The following DOCK4 variants were observed in gnomAD, a reference collection of about 807,000 sequenced individuals.
DOCK4 encodes the protein dedicator of cytokinesis protein 4.
DOCK4 carries 97 observed loss-of-function variants against 268.1 expected under a neutral mutation model. The ratio of observed to expected loss-of-function variants is 0.36; its 90% CI spans 0.31 to 0.43. DOCK4 has a LOEUF of 0.43. Ranked by LOEUF, DOCK4 falls within the 20% of genes least tolerant of loss-of-function variation. DOCK4 has a pLI of 1.00. For synonymous variants in DOCK4, 954 were observed against 887.2 expected, an observed-to-expected ratio of 1.08 and a Z score of -1.34; for missense variants, 2,145 against 2,455.7, an observed-to-expected ratio of 0.87 and a Z score of 2.67.
intron 1 of DOCK4, among the ~76,000 whole-genome samples, chr7:112,047,156 G>C (rs1804898795): frequency 6.6e-6 from 1 of 152,106 alleles, no homozygotes; most frequent in African/African-American, 2.4e-5. Context: ...GTTTGCCTCA[G>C]TTTTAAGGCA....
intron 1 of DOCK4, among the ~76,000 whole-genome samples, chr7:112,078,880 A>G (rs1220165865): frequency 6.6e-6 from 1 of 152,032 alleles, no homozygotes. Context: ...AATCCTAGCA[A>G]TTTGGGAGGT....
chr7:111,751,645 A>G (rs896218163), intron 42 of DOCK4, among the ~76,000 whole-genome samples: 2 of 152,202 alleles, frequency 1.3e-5, no homozygotes, highest in African/African-American at 4.8e-5. Flanking sequence ...GGGTTTTGCC[A>G]TATTGGCCAG....
rs1387520392 is a variant in DOCK4 at position 111,809,365 on chromosome 7, T to C, written c.3043A>G (p.Ile1015Val). 9 of 1,566,630 alleles carry C rather than the reference T, an allele frequency of 5.7e-6. No homozygotes were observed. The highest frequency in any genetic ancestry group is 7.8e-6 in the Non-Finnish European group (9 of 1,153,934). The change falls in exon 29 of 53, where the codon ATA (isoleucine) becomes GTA (valine). Residue 1015 changes from isoleucine (I) to valine (V), a missense_variant. Around this residue, in one of 2 missense-constraint regions of DOCK4, gnomAD observed 1,598 missense variants for 1,986.7 expected, o/e 0.80. Transcript: ENST00000428084. ...DSYFYLAVIF[I>V]NQLCLQLEMF... Reference sequence around the variant, plus strand: ...TCCAACTGCAGACACAACTGGTTTATAAAAATGACTGCGAGGTAAAAGTAG... The same window carrying C: ...TCCAACTGCAGACACAACTGGTTTACAAAAATGACTGCGAGGTAAAAGTAG...
chr7:111,984,854 T>C (rs770515440), intron 6 of DOCK4, among the ~76,000 whole-genome samples: 2 of 152,238 alleles, frequency 1.3e-5, no homozygotes, highest in African/African-American at 2.4e-5. Context: ...ATGTTTCTTA[T>C]ATGAATCTCT....
intron 27 of DOCK4, 118 bp downstream of exon 27, chr7:111,822,244 G>T: frequency 2.7e-6 from 2 of 736,986 alleles, no homozygotes; most frequent in Non-Finnish European, 4.4e-6. Flanking sequence ...TTTTTTAAAG[G>T]CTTAATTCAG....
At chr7:111,985,155 C>A (rs890174393) in intron 6 of DOCK4, among the ~76,000 whole-genome samples, 1 of 152,104 alleles carries the variant, frequency 6.6e-6, no homozygotes, top group East Asian at 1.9e-4. Flanking sequence ...TTCCCTCTAG[C>A]GACCTTCCTA....
intron 1 of DOCK4, among the ~76,000 whole-genome samples, chr7:112,041,339 A>G (rs377301871): frequency 5.1e-4 from 78 of 152,330 alleles, no homozygotes; most frequent in African/African-American, 1.7e-3. Flanking sequence ...GGGTCATGGT[A>G]TATTTCCATA....
At chr7:111,748,833 C>G (rs78836139) in intron 42 of DOCK4, among the ~76,000 whole-genome samples, 2,528 of 152,156 alleles carry the variant, frequency 0.017, 31 homozygotes, top group Middle Eastern at 0.041. Flanking sequence ...ATCCGTATGT[C>G]CATTGACAAG....
intron 31 of DOCK4, among the ~76,000 whole-genome samples, chr7:111,789,620 T>C (rs1799396946): frequency 1.3e-5 from 2 of 152,248 alleles, no homozygotes; most frequent in Non-Finnish European, 1.5e-5. Flanking sequence ...CATTCATCTA[T>C]TAGCTTTCTT....
At chr7:111,991,989 G>C (rs1415886375) in intron 5 of DOCK4, among the ~76,000 whole-genome samples, 2 of 119,404 alleles carry the variant, frequency 1.7e-5, no homozygotes, top group Non-Finnish European at 3.5e-5. Flanking sequence ...AAAAAAAAAA[G>C]TGCCTGGCAG....
At chr7:112,059,293 C>A (rs1397038310) in intron 1 of DOCK4, among the ~76,000 whole-genome samples, 1 of 151,908 alleles carries the variant, frequency 6.6e-6, no homozygotes, top group Non-Finnish European at 1.5e-5. Context: ...CAGGTGCACA[C>A]CACCATGCCT....
At chr7:112,191,218 G>A (rs569822228) in intron 1 of DOCK4, among the ~76,000 whole-genome samples, 91 of 152,272 alleles carry the variant, frequency 6.0e-4, no homozygotes, top group Admixed American at 3.9e-3. Context: ...CGCCTCCCAA[G>A]TAGCTGGGAC....
At chr7:111,758,914 C>A in intron 40 of DOCK4, 124 bp from the exon 41 acceptor site, 1 of 910,670 alleles carries the variant, frequency 1.1e-6, no homozygotes, top group South Asian at 1.9e-5. Flanking sequence ...CAGTTGAAGT[C>A]ATTAAAAAAA....
chr7:112,092,771 A>G (rs1256275121), intron 1 of DOCK4, among the ~76,000 whole-genome samples: 1 of 152,092 alleles, frequency 6.6e-6, no homozygotes, highest in Non-Finnish European at 1.5e-5. Flanking sequence ...GGCCATAATC[A>G]CTATTCCAGT....
chr7:112,114,166 T>C (rs1247896546), intron 1 of DOCK4, among the ~76,000 whole-genome samples: 1 of 152,180 alleles, frequency 6.6e-6, no homozygotes, highest in Non-Finnish European at 1.5e-5. Context: ...TGAGCCATCC[T>C]GCCTCCTTGA....
chr7:112,084,127 C>T (rs908333488), intron 1 of DOCK4, among the ~76,000 whole-genome samples: 1 of 152,182 alleles, frequency 6.6e-6, no homozygotes, highest in Non-Finnish European at 1.5e-5. Flanking sequence ...GACAGGCCTG[C>T]AGCATGAAGT....
Position 111,760,308 on chromosome 7 carries a change from C to A in DOCK4, c.4035G>T (p.Val1345=). 5 of 1,613,438 alleles carry A rather than the reference C, an allele frequency of 3.1e-6. No homozygotes were observed. Among genetic ancestry groups the A allele is most frequent in the South Asian group, 1.1e-5 (1 of 91,082 alleles). ...GCCTCTCGTAGTCATGCCCTCGACA[C>A]ACAAACTCCTTATTCTGGAGATGAA... ...FPFFLRNKEF[V]CRGHDYERLE... The change falls in exon 40 of 53, where the codon GTG becomes GTT. Residue 1345 remains valine (V), a synonymous_variant. Coordinates refer to ENST00000428084, the MANE Select transcript of DOCK4 (RefSeq NM_001363540.2).
intron 30 of DOCK4, among the ~76,000 whole-genome samples, chr7:111,793,778 G>A (rs531024343): frequency 6.6e-6 from 1 of 152,162 alleles, no homozygotes; most frequent in African/African-American, 2.4e-5. Context: ...CACTTTGGGA[G>A]GCCAAGGCAG....
chr7:111,812,289 T>C (rs1801194782), intron 27 of DOCK4, among the ~76,000 whole-genome samples: 1 of 152,212 alleles, frequency 6.6e-6, no homozygotes, highest in Non-Finnish European at 1.5e-5. Flanking sequence ...TTCATATTTT[T>C]CTGTTTTTGA....
Sources: allele counts gnomAD v4.1 joint callset (sites outside exome capture counted in the v4.1 genomes callset), GRCh38; gene constraint gnomAD v4.1.1; regional missense constraint gnomAD v4.1.1; transcripts MANE v1.5; gene names NCBI Gene and HGNC (gene_info 2026-07-23, HGNC 2026-07-21).